SNAI3: variants seen among roughly 807,000 people sequenced by gnomAD.
SNAI3 encodes the protein snail family transcriptional repressor 3, also known as zinc finger protein SNAI3.
In SNAI3, 21 loss-of-function variants were observed where a neutral mutation model predicts 16.4. The observed-to-expected ratio is 1.28, with a 90% CI of 0.91 to 1.85. The LOEUF is 1.85. SNAI3 is among the 40% of genes most tolerant of loss of function. The probability of loss-of-function intolerance (pLI) is 0.00; values close to 1 mark genes in which losing one functional copy is unlikely to be tolerated. For missense variants in SNAI3, 457 were observed against 372.8 expected (o/e 1.23, Z -1.86); for synonymous variants, 202 against 166.6 (o/e 1.21, Z -1.64).
chr16:88,681,245 GAC>G lies in SNAI3; in HGVS notation c.544_545del (p.Val182LeufsTer102). The G allele has an allele frequency of 1.2e-6, 2 of 1,613,666 alleles. No individual in the cohort carries two copies. The highest frequency in any genetic ancestry group is 1.1e-5 in the South Asian group (1 of 91,082). On this transcript the variant is annotated frameshift_variant, in exon 2 of 3. Coordinates refer to ENST00000332281, the MANE Select transcript of SNAI3 (RefSeq NM_178310.4). LOFTEE classifies it high-confidence loss of function. The surrounding 1 kb of genome is among the most constrained non-coding windows in gnomAD (Gnocchi z 5.4). ...CCTTGTCGCAGTACTTGCAGGTGAA[GAC>G]ACGCCCCACCTGCAGGTGGCAGTGC... ...QLHCHLQVGR[V>X]FTCKYCDKEY...
At position 88,682,173 on chromosome 16, in the gene SNAI3, G is replaced by A. The variant is rs148732174; in HGVS notation, c.77-459C>T. Among the ~76,000 whole-genome samples, 553 of 152,266 alleles carry A rather than the reference G, an allele frequency of 3.6e-3. 2 individuals are homozygous for A. The highest frequency in any genetic ancestry group is 5.4e-3 in the Non-Finnish European group (368 of 68,016). ...GTCAGACGCTTGGCAGCAAGGTGCC[G>A]GCTGAGTGTAAAATCAGCCCACTCA... On this transcript the variant is annotated intron_variant, in intron 1 of 2. Transcript: ENST00000332281.
intron 1 of SNAI3, among the ~76,000 whole-genome samples, chr16:88,684,395 A>T (rs974874899): frequency 1.2e-4 from 18 of 152,182 alleles, no homozygotes; most frequent in African/African-American, 4.3e-4. Flanking sequence ...CAGGCTGACC[A>T]TGTGTTTCTG....
In SNAI3 at chr16:88,686,489, T is replaced by A. The variant is rs566452197; in HGVS notation, c.-83A>T. The A allele has an allele frequency of 2.3e-4, 362 of 1,557,900 alleles. No homozygotes were observed. In the African/African-American group the frequency reaches 4.4e-3, roughly 19 times the overall value. ...CCGGACTGCTGCGTCCGCCGGCGCTTGAAGGGGTCAGGCTCATTAGCATAG... is the reference window on the plus strand; with the variant it reads ...CCGGACTGCTGCGTCCGCCGGCGCTAGAAGGGGTCAGGCTCATTAGCATAG... On this transcript the variant is annotated 5_prime_UTR_variant, in exon 1 of 3. Coordinates refer to ENST00000332281, the MANE Select transcript of SNAI3 (RefSeq NM_178310.4).
At chr16:88,686,037 T>G in intron 1 of SNAI3, 1 of 278,794 alleles carries the variant, frequency 3.6e-6, no homozygotes, top group Non-Finnish European at 7.0e-6. Context: ...CGGGCGGCTG[T>G]ATATCAGGGG....
At chr16:88,683,660 C>T (rs981148513) in intron 1 of SNAI3, among the ~76,000 whole-genome samples, 1 of 144,228 alleles carries the variant, frequency 6.9e-6, no homozygotes, top group Non-Finnish European at 1.5e-5. Context: ...CAGGTTCAAA[C>T]AATTCTCCTG....
chr16:88,682,598 C>A (rs1025202749), intron 1 of SNAI3, among the ~76,000 whole-genome samples: 4 of 152,168 alleles, frequency 2.6e-5, no homozygotes, highest in Admixed American at 6.5e-5. Context: ...TTTCTACCTC[C>A]ATGCTGAGGC....
At position 88,680,223 on chromosome 16, in the gene SNAI3, G is replaced by A. The variant is rs573560539; in HGVS notation, c.697+871C>T. Among the ~76,000 whole-genome samples, 12 of 151,502 alleles carry A rather than the reference G, an allele frequency of 7.9e-5. No homozygotes were observed. In the East Asian group the frequency reaches 1.9e-3, roughly 24 times the overall value. On this transcript the variant is annotated intron_variant, in intron 2 of 2. Transcript: ENST00000332281. Reference sequence around the variant, plus strand: ...AAAGCCCGGGCAGAGGCTGCTGGCCGGCTCTTGGGAAGGGCAGGCCACTTT... The same window carrying A: ...AAAGCCCGGGCAGAGGCTGCTGGCCAGCTCTTGGGAAGGGCAGGCCACTTT...
chr16:88,686,113 C>T lies in SNAI3; in HGVS notation c.76+218G>A, dbSNP rs952808529. The T allele has an allele frequency of 1.4e-5, 8 of 572,622 alleles. No homozygotes were observed. In the African/African-American group the frequency reaches 1.5e-4, roughly 11 times the overall value. The allele number at this position is 572,622 out of a possible 1,614,324, so 35.5% of individuals were successfully genotyped here. A position where few individuals can be genotyped will look rare whatever the true frequency, so the allele number is the denominator to read the frequency against. Reference sequence around the variant, plus strand: ...ACTTCTCCAAGTTGGGAGAGAATCCCGCCCGCCCTGCCGGAGGCGGGGCTC... The same window carrying T: ...ACTTCTCCAAGTTGGGAGAGAATCCTGCCCGCCCTGCCGGAGGCGGGGCTC... On this transcript the variant is annotated intron_variant, in intron 1 of 2. Transcript: ENST00000332281.
intron 1 of SNAI3, among the ~76,000 whole-genome samples, chr16:88,682,936 G>A (rs1199409620): frequency 3.3e-5 from 5 of 151,100 alleles, no homozygotes; most frequent in East Asian, 1.9e-4. Flanking sequence ...CACCACGCCC[G>A]GCTAATTTTT....
At chr16:88,679,606 C>G (rs183101870) in intron 2 of SNAI3, among the ~76,000 whole-genome samples, 2 of 149,528 alleles carry the variant, frequency 1.3e-5, no homozygotes, top group Admixed American at 6.7e-5. Flanking sequence ...ACTAAAAACA[C>G]AAAAAATCAG....
chr16:88,678,507 AGGTCTT>A lies in SNAI3; in HGVS notation c.814_819del (p.Lys272_Thr273del), dbSNP rs1435698057. ...CGCGCCAGGAGGGACATGCGGGAGA[AGGTCTT>A]GGTGCAGCGCCGGCACCGGTACTTC... On this transcript the variant is annotated inframe_deletion, in exon 3 of 3. Coordinates refer to ENST00000332281, the MANE Select transcript of SNAI3 (RefSeq NM_178310.4). The A allele has an allele frequency of 2.5e-6, 2 of 784,644 alleles. No individual in the cohort carries two copies. The highest frequency in any genetic ancestry group is 3.4e-5 in the African/African-American group (2 of 59,250). 48.6% of individuals were successfully genotyped at this position (784,644 alleles called of 1,614,324 possible). A position where few individuals can be genotyped will look rare whatever the true frequency, so the allele number is the denominator to read the frequency against.
chr16:88,681,172 G>C lies in SNAI3; in HGVS notation c.619C>G (p.Leu207Val). ...CCACAGATCTTGCAGGTGCAGGGCA[G>C]CGTGTGAGTGCGGATGTGCATCTTG... ...ALKMHIRTHT[L>V]PCTCKICGKA... Residue 207 changes from leucine (L) to valine (V), a missense_variant, in exon 2 of 3, where the codon CTG becomes GTG. Physicochemically the swap from Leu to Val is conservative, Grantham distance 32. Coordinates refer to ENST00000332281, the MANE Select transcript of SNAI3 (RefSeq NM_178310.4). This position sits in a 1 kb window ranked among gnomAD's most constrained non-coding sequence, Gnocchi z 5.4. The C allele has an allele frequency of 6.2e-7, 1 of 1,613,868 alleles. No individual in the cohort carries two copies. Among genetic ancestry groups the C allele is most frequent in the Non-Finnish European group, 8.5e-7 (1 of 1,179,972 alleles).
chr16:88,678,232 G>A lies in SNAI3; in HGVS notation c.*216C>T. 1.9e-6 allele frequency: 1 copy of A among 533,436 alleles called. No individual in the cohort carries two copies. The highest frequency in any genetic ancestry group is 3.3e-6 in the Non-Finnish European group (1 of 299,934). 33.0% of individuals were successfully genotyped at this position (533,436 alleles called of 1,614,324 possible). ...CTTCCCCGGGAGAGGAGTCTCCTCTGAGTGGGCTCCGCGCGGTGGGATGCC... is the reference window on the plus strand; with the variant it reads ...CTTCCCCGGGAGAGGAGTCTCCTCTAAGTGGGCTCCGCGCGGTGGGATGCC... On this transcript the variant is annotated 3_prime_UTR_variant, in exon 3 of 3. Transcript: ENST00000332281.
intron 1 of SNAI3, among the ~76,000 whole-genome samples, chr16:88,682,762 A>ATTTTTTTTTTTT (rs71158747): frequency 0.013 from 759 of 60,674 alleles, 156 homozygotes; most frequent in Middle Eastern, 0.042. Context: ...TGGGCAAGGG[A>ATTTTTTTTTTTT]TTTTTTTTTT....
At position 88,681,424 on chromosome 16, in the gene SNAI3, G is replaced by A. The variant is rs369333608; in HGVS notation, c.367C>T (p.Arg123Trp). 1.7e-5 allele frequency: 28 copies of A among 1,608,736 alleles called. No individual in the cohort carries two copies. The highest frequency in any genetic ancestry group is 1.0e-4 in the Admixed American group (6 of 59,818). The change falls in exon 2 of 3, where the codon CGG (arginine) becomes TGG (tryptophan). Residue 123 changes from arginine to tryptophan, a missense_variant. Transcript: ENST00000332281. The surrounding 1 kb of genome is among the most constrained non-coding windows in gnomAD (Gnocchi z 5.4). ...NLPPLLVLPT[R>W]WSPTLGPDRH... ...TCTGGGCCCAAGGTCGGGGACCACCGTGTGGGCAGCACCAGCAGTGGGGGC... is the reference window on the plus strand; with the variant it reads ...TCTGGGCCCAAGGTCGGGGACCACCATGTGGGCAGCACCAGCAGTGGGGGC...
intron 2 of SNAI3, among the ~76,000 whole-genome samples, chr16:88,679,625 G>A (rs1909092435): frequency 6.6e-6 from 1 of 151,898 alleles, no homozygotes. Context: ...AGCTGGGCGT[G>A]GTGGCAGGTG....
rs1263005993 is a variant in SNAI3 at position 88,679,771 on chromosome 16, A to AC, written c.698-1143_698-1142insG. On this transcript the variant is annotated intron_variant, in intron 2 of 2. Transcript: ENST00000332281. ...AGTGAGACTCTGTCTCAAAAAAAAA[A>AC]AAAAAAAAAAAGAAAAAGTGTGAAC... Among the ~76,000 whole-genome samples the AC allele has an allele frequency of 2.3e-3, 327 of 142,304 alleles. 4 individuals carry two copies. Among genetic ancestry groups the AC allele is most frequent in the African/African-American group, 8.3e-3 (318 of 38,156 alleles). The allele number at this position is 142,304 out of a possible 152,430, so 93.4% of individuals were successfully genotyped here.
rs1209111594 is a variant in SNAI3, at chr16:88,681,279, C to T, written c.512G>A (p.Arg171Gln). 35 of 1,613,336 alleles carry T rather than the reference C, an allele frequency of 2.2e-5. No homozygotes were observed. Among genetic ancestry groups the T allele is most frequent in the Non-Finnish European group, 2.6e-5 (31 of 1,179,920 alleles). The change falls in exon 2 of 3, where the codon CGG becomes CAG. Residue 171 changes from arginine to glutamine, a missense_variant. Coordinates refer to ENST00000332281, the MANE Select transcript of SNAI3 (RefSeq NM_178310.4). This position sits in a 1 kb window ranked among gnomAD's most constrained non-coding sequence, Gnocchi z 5.4. ...CACCTGCAGGTGGCAGTGCAGCTGC[C>T]GGTGCCTGGCCAGCCCGGCCAGCGT... ...YHTLAGLARH[R>Q]QLHCHLQVGR...
chr16:88,678,683 A>G, intron 2 of SNAI3, 54 bp from the exon 3 acceptor site: 2 of 1,542,190 alleles, frequency 1.3e-6, no homozygotes, highest in Non-Finnish European at 1.7e-6. Flanking sequence ...GTGAAGGCTA[A>G]AGCACCCACC....
Sources: gnomAD v4.1 joint callset for allele counts (sites outside exome capture counted in the v4.1 genomes callset) on GRCh38, gnomAD v4.1.1 for gene constraint, Gnocchi (gnomAD v3.1) non-coding constraint, MANE v1.5 for transcripts, NCBI Gene and HGNC (gene_info 2026-07-23, HGNC 2026-07-21) for gene names.